Variants in PLBD1 observed in about 807,000 individuals in gnomAD.
The protein encoded by PLBD1 is lysosomal leucine aminopeptidase.
A neutral mutation model predicts 63.0 loss-of-function variants in PLBD1; 60 were observed. That is an observed-to-expected ratio of 0.95 (90% CI 0.77 to 1.18). PLBD1 has a LOEUF of 1.18. Among genes scored for constraint, PLBD1 ranks in the 50% most tolerant of loss-of-function variants. The pLI, the probability that PLBD1 is intolerant of heterozygous loss-of-function variation, is 0.00. For missense variants in PLBD1, 598 were observed against 677.9 expected, an observed-to-expected ratio of 0.88 and a Z score of 1.31; for synonymous variants, 262 against 248.0, an observed-to-expected ratio of 1.06 and a Z score of -0.53.
chr12:14,562,441 C>CAG (rs1451588009), intron 1 of PLBD1, among the ~76,000 whole-genome samples: 43 of 110,048 alleles, frequency 3.9e-4, no homozygotes, highest in Middle Eastern at 0.01. Context: ...GCCTGAGTGA[C>CAG]AGAGTGAGAC....
intron 6 of PLBD1, among the ~76,000 whole-genome samples, chr12:14,524,975 G>A (rs1945405673): frequency 6.6e-6 from 1 of 152,226 alleles, no homozygotes; most frequent in South Asian, 2.1e-4. Flanking sequence ...AAAACCTGAA[G>A]ATTGTGGCTG....
chr12:14,507,709 G>T (rs1289100796), intron 8 of PLBD1, among the ~76,000 whole-genome samples: 1 of 152,112 alleles, frequency 6.6e-6, no homozygotes. Flanking sequence ...AATGTAAGGG[G>T]ATTGGGGATG....
At chr12:14,535,631 G>T in intron 6 of PLBD1, 28 bp downstream of exon 6, 4 of 1,611,140 alleles carry the variant, frequency 2.5e-6, no homozygotes, top group Non-Finnish European at 3.4e-6. Context: ...TACTCAAAGT[G>T]CTCAGATGTT....
chr12:14,537,144 G>A (rs891224784), intron 4 of PLBD1, among the ~76,000 whole-genome samples: 4 of 151,668 alleles, frequency 2.6e-5, no homozygotes, highest in African/African-American at 7.3e-5. Flanking sequence ...AATTTAACAG[G>A]TACGCTAGAT....
intron 1 of PLBD1, among the ~76,000 whole-genome samples, chr12:14,558,839 T>C (rs1945726662): frequency 6.6e-6 from 1 of 152,238 alleles, no homozygotes; most frequent in Non-Finnish European, 1.5e-5. Context: ...TGCAAATATG[T>C]GCTTTTTTGA....
intron 4 of PLBD1, among the ~76,000 whole-genome samples, chr12:14,537,656 A>G (rs1378000800): frequency 2.6e-5 from 4 of 152,230 alleles, no homozygotes; most frequent in African/African-American, 9.6e-5. Flanking sequence ...GGAAGATTCA[A>G]TCTGCTGGAG....
intron 6 of PLBD1, among the ~76,000 whole-genome samples, chr12:14,526,764 C>T (rs1470228527): frequency 6.6e-5 from 10 of 152,010 alleles, no homozygotes; most frequent in South Asian, 2.1e-4. Context: ...CCTGAGGTCA[C>T]GAGTTGGAGA....
intron 2 of PLBD1, among the ~76,000 whole-genome samples, chr12:14,548,383 G>T (rs1030346352): frequency 6.7e-6 from 1 of 149,316 alleles, no homozygotes; most frequent in Non-Finnish European, 1.5e-5. Context: ...CTTGAACCTG[G>T]GAGGCAGAGG....
chr12:14,536,014 AGCTGGGCATGGTGGCTTAC>A (rs1945511091), intron 5 of PLBD1: 2 of 502,934 alleles, frequency 4.0e-6, no homozygotes, highest in East Asian at 7.4e-5. Context: ...GGAAGACTCC[AGCTGGGCATGGTGGCTTAC>A]GCTCGAAATC....
intron 3 of PLBD1, among the ~76,000 whole-genome samples, chr12:14,541,877 G>A (rs569604045): frequency 3.9e-5 from 6 of 152,134 alleles, no homozygotes; most frequent in Non-Finnish European, 8.8e-5. Context: ...GCGAGGAGAG[G>A]GGATCCCTGA....
intron 1 of PLBD1, among the ~76,000 whole-genome samples, chr12:14,562,173 T>G (rs1467232960): frequency 1.3e-5 from 2 of 152,288 alleles, no homozygotes; most frequent in African/African-American, 4.8e-5. Context: ...GAAGACTGTA[T>G]CATGGCCAGG....
At chr12:14,546,050 G>A (rs552293052) in intron 2 of PLBD1, among the ~76,000 whole-genome samples, 2 of 152,140 alleles carry the variant, frequency 1.3e-5, no homozygotes, top group East Asian at 1.9e-4. Flanking sequence ...AGGCCAGCAC[G>A]GTGGCTCACA....
intron 8 of PLBD1, among the ~76,000 whole-genome samples, chr12:14,510,350 C>T (rs1945287625): frequency 6.6e-6 from 1 of 152,120 alleles, no homozygotes; most frequent in Non-Finnish European, 1.5e-5. Context: ...GCCGAGATCG[C>T]ACCACCGTAC....
At chr12:14,567,541 GCCTCCCCGGGCGCCCC>G in intron 1 of PLBD1, 25 bp downstream of exon 1, 2 of 1,460,254 alleles carry the variant, frequency 1.4e-6, no homozygotes, top group Non-Finnish European at 1.8e-6. Context: ...GCTCCTAGGA[GCCTCCCCGGGCGCCCC>G]CCGCCCAGGG....
At chr12:14,509,320 C>T (rs1945278509) in intron 8 of PLBD1, among the ~76,000 whole-genome samples, 7 of 152,124 alleles carry the variant, frequency 4.6e-5, no homozygotes, top group Admixed American at 4.6e-4. Flanking sequence ...ACCAAGTCTA[C>T]CATTCTGTTA....
chr12:14,506,506 A>T (rs1036934150), intron 9 of PLBD1, among the ~76,000 whole-genome samples: 1 of 152,212 alleles, frequency 6.6e-6, no homozygotes, highest in African/African-American at 2.4e-5. Context: ...AATGGATGGG[A>T]AAGAGAACCA....
intron 2 of PLBD1, among the ~76,000 whole-genome samples, chr12:14,543,559 A>G (rs1469086938): frequency 6.6e-6 from 1 of 152,058 alleles, no homozygotes; most frequent in Non-Finnish European, 1.5e-5. Context: ...TCTACTAAAA[A>G]TACACACACA....
chr12:14,528,928 C>T (rs1043916754), intron 6 of PLBD1, among the ~76,000 whole-genome samples: 1 of 152,074 alleles, frequency 6.6e-6, no homozygotes, highest in Non-Finnish European at 1.5e-5. Context: ...AGTTAGAAAA[C>T]TGAAATAGTT....
intron 2 of PLBD1, among the ~76,000 whole-genome samples, chr12:14,547,179 T>TG (rs1491258884): frequency 2.5e-3 from 332 of 134,434 alleles, no homozygotes; most frequent in Non-Finnish European, 4.2e-3. Context: ...TGCACCTGGC[T>TG]TTGTGTGTGT....
Sources: gnomAD v4.1 joint callset for allele counts (sites outside exome capture counted in the v4.1 genomes callset) on GRCh38, gnomAD v4.1.1 for gene constraint, MANE v1.5 for transcripts, NCBI Gene and HGNC (gene_info 2026-07-23, HGNC 2026-07-21) for gene names.